Variants in KCTD4 observed in about 807,000 individuals in gnomAD.
KCTD4 encodes BTB/POZ domain-containing protein KCTD4.
In KCTD4, 12 loss-of-function variants were observed where a neutral mutation model predicts 18.3. That is an observed-to-expected ratio of 0.66 (90% CI 0.42 to 1.06). The LOEUF is 1.06. Ranked by LOEUF, KCTD4 falls within the 50% of genes least tolerant of loss-of-function variation. The pLI, the probability that KCTD4 is intolerant of heterozygous loss-of-function variation, is 0.00. For missense variants in KCTD4, 250 were observed against 303.4 expected, an observed-to-expected ratio of 0.82 and a Z score of 1.31; for synonymous variants, 124 against 110.5, an observed-to-expected ratio of 1.12 and a Z score of -0.76.
chr13:45,193,897 T>TA lies in KCTD4; in HGVS notation c.670_671insT (p.Lys224IlefsTer3). On this transcript the variant is annotated frameshift_variant, in exon 2 of 2. Coordinates refer to ENST00000379108, the MANE Select transcript of KCTD4 (RefSeq NM_198404.3). LOFTEE classifies it high-confidence loss of function. The stretch of plus-strand genomic sequence containing the variant: ...TAAAGCCATCATGATAGCCTCAAAC[T>TA]TAAGAGTTTCCAAGGTACAGACAAA... 1 of 1,614,152 alleles carries TA rather than the reference T, an allele frequency of 6.2e-7. No homozygotes were observed.
At chr13:45,196,182 G>A (rs965668762) in intron 1 of KCTD4, among the ~76,000 whole-genome samples, 6 of 152,038 alleles carry the variant, frequency 3.9e-5, no homozygotes, top group Admixed American at 6.6e-5. Context: ...CGTTGAAATC[G>A]AACTAGAAAA....
chr13:45,196,276 A>T (rs1213921316), intron 1 of KCTD4, among the ~76,000 whole-genome samples: 1 of 152,224 alleles, frequency 6.6e-6, no homozygotes, highest in African/African-American at 2.4e-5. Context: ...ATAACATTGC[A>T]TTCCAGAGAA....
rs1872742137 is a variant in KCTD4 at position 45,193,626 on chromosome 13, T to C, written c.*162A>G. 1.6e-6 allele frequency: 1 copy of C among 625,406 alleles called. No homozygotes were observed. Among genetic ancestry groups the C allele is most frequent in the South Asian group, 2.5e-5 (1 of 39,492 alleles). The allele number at this position is 625,406 out of a possible 1,614,324, so 38.7% of individuals were successfully genotyped here. A position where few individuals can be genotyped will look rare whatever the true frequency, so the allele number is the denominator to read the frequency against. On this transcript the variant is annotated 3_prime_UTR_variant, in exon 2 of 2. Transcript: ENST00000379108. ...GGAACACCCCAGAGGAAGGACATCT[T>C]TAGCGATAGAATTTACATACCGTTA...
chr13:45,200,482 T>C (rs975788582), intron 1 of KCTD4, among the ~76,000 whole-genome samples: 2 of 152,144 alleles, frequency 1.3e-5, no homozygotes, highest in African/African-American at 4.8e-5. Flanking sequence ...AACTTTTTTA[T>C]CTTTTTGTGG....
chr13:45,194,393 G>C lies in KCTD4; in HGVS notation c.175C>G (p.Leu59Val), dbSNP rs771661691. 2.2e-5 allele frequency: 36 copies of C among 1,614,036 alleles called. No homozygotes were observed. The South Asian group carries it at 4.0e-4, about 18-fold the overall frequency. ...QTLTKYPDTF[L>V]EGIVNGKILC... Reference sequence around the variant, plus strand: ...ATTTTTCCATTTACTATACCTTCAAGGAAAGTGTCTGGGTACTTGGTCAGT... The same window carrying C: ...ATTTTTCCATTTACTATACCTTCAACGAAAGTGTCTGGGTACTTGGTCAGT... The change falls in exon 2 of 2, where the codon CTT (leucine) becomes GTT (valine). Residue 59 changes from leucine to valine, a missense_variant. By Grantham distance (32) the Leu-to-Val change is conservative. Transcript: ENST00000379108.
In KCTD4 at chr13:45,194,048, G is replaced by A. The variant is rs762666968; in HGVS notation, c.520C>T (p.Leu174=). ...FISKIKSRIV[L]VSKSRLDGFP... ...CCATCCAGCCTGCTTTTGGACACCA[G>A]AACAATGCGAGACTTTATTTTTGAT... Residue 174 remains leucine (L), a synonymous_variant, in exon 2 of 2, where the codon CTG becomes TTG. Coordinates refer to ENST00000379108, the MANE Select transcript of KCTD4 (RefSeq NM_198404.3). 2.5e-6 allele frequency: 4 copies of A among 1,614,102 alleles called. No individual in the cohort carries two copies. The East Asian group carries it at 8.9e-5, about 36-fold the overall frequency.
Position 45,193,753 on chromosome 13 carries a change from T to G in KCTD4, c.*35A>C. 1.3e-6 allele frequency: 2 copies of G among 1,537,632 alleles called. No homozygotes were observed. Among genetic ancestry groups the G allele is most frequent in the Non-Finnish European group, 1.7e-6 (2 of 1,145,216 alleles). ...CTGTGGTTTTCCGAAGCTTGCTGGC[T>G]GCATGCTTGTTGCCTTTGTTCGTGA... On this transcript the variant is annotated 3_prime_UTR_variant, in exon 2 of 2. Transcript: ENST00000379108.
At chr13:45,198,093 G>A (rs776939704) in intron 1 of KCTD4, among the ~76,000 whole-genome samples, 1 of 152,210 alleles carries the variant, frequency 6.6e-6, no homozygotes, top group African/African-American at 2.4e-5. Context: ...CCAACTTTGA[G>A]AATTTAAACT....
At chr13:45,200,057 A>T (rs1396210489) in intron 1 of KCTD4, among the ~76,000 whole-genome samples, 1 of 151,804 alleles carries the variant, frequency 6.6e-6, no homozygotes, top group Admixed American at 6.6e-5. Flanking sequence ...GTACATCTTA[A>T]TATCGTTAGC....
At chr13:45,200,278 C>T (rs1873111017) in intron 1 of KCTD4, among the ~76,000 whole-genome samples, 1 of 151,860 alleles carries the variant, frequency 6.6e-6, no homozygotes. Flanking sequence ...AACAATGTGG[C>T]TGCTTGATGT....
intron 1 of KCTD4, among the ~76,000 whole-genome samples, chr13:45,198,221 A>G (rs1378557701): frequency 6.6e-6 from 1 of 152,246 alleles, no homozygotes; most frequent in African/African-American, 2.4e-5. Context: ...GGCAGAACTC[A>G]TTCCAGCAGG....
chr13:45,196,547 G>A (rs1872900203), intron 1 of KCTD4, among the ~76,000 whole-genome samples: 1 of 152,180 alleles, frequency 6.6e-6, no homozygotes, highest in Non-Finnish European at 1.5e-5. Flanking sequence ...CACTGCACAT[G>A]AGTAGCATCA....
chr13:45,199,121 C>T (rs569840989), intron 1 of KCTD4, among the ~76,000 whole-genome samples: 134 of 152,326 alleles, frequency 8.8e-4, no homozygotes, highest in African/African-American at 3.0e-3. Context: ...CTTCCTAGGA[C>T]TAATAGGACG....
At chr13:45,198,393 C>T (rs775379960) in intron 1 of KCTD4, among the ~76,000 whole-genome samples, 22 of 152,194 alleles carry the variant, frequency 1.4e-4, no homozygotes, top group Non-Finnish European at 3.2e-4. Flanking sequence ...TTATCCCTCC[C>T]GACTGGAAGA....
In KCTD4 at chr13:45,194,081, CAGG is replaced by C; in HGVS notation, c.484_486del (p.Pro162del). 6.2e-7 allele frequency: 1 copy of C among 1,614,122 alleles called. No individual in the cohort carries two copies. The highest frequency in any genetic ancestry group is 8.5e-7 in the Non-Finnish European group (1 of 1,180,008). ...CGAGACTTTATTTTTGATATGAAATCAGGAGCATTACAGAAGATTCTTAATCCT... is the reference window on the plus strand; with the variant it reads ...CGAGACTTTATTTTTGATATGAAATCAGCATTACAGAAGATTCTTAATCCT... On this transcript the variant is annotated inframe_deletion, in exon 2 of 2. Transcript: ENST00000379108.
intron 1 of KCTD4, among the ~76,000 whole-genome samples, chr13:45,194,989 T>C (rs1473163458): frequency 1.3e-5 from 2 of 152,234 alleles, no homozygotes. Flanking sequence ...TTGAATAATA[T>C]TGTCATCTTT....
At chr13:45,195,403 A>G (rs1872840927) in intron 1 of KCTD4, among the ~76,000 whole-genome samples, 1 of 152,220 alleles carries the variant, frequency 6.6e-6, no homozygotes, top group Admixed American at 6.5e-5. Flanking sequence ...CTGAACAAAG[A>G]CTTGGACAAT....
At chr13:45,197,400 T>C (rs1872953016) in intron 1 of KCTD4, among the ~76,000 whole-genome samples, 1 of 151,002 alleles carries the variant, frequency 6.6e-6, no homozygotes, top group African/African-American at 2.4e-5. Flanking sequence ...TCCCAGTTAC[T>C]TGGGAGGCTG....
chr13:45,194,939 C>G (rs553939470), intron 1 of KCTD4, among the ~76,000 whole-genome samples, 185 bp from the exon 2 acceptor site: 100 of 152,262 alleles, frequency 6.6e-4, no homozygotes, highest in African/African-American at 2.3e-3. Flanking sequence ...TTAACTATTT[C>G]TAAATGCCTA....
Sources: allele counts gnomAD v4.1 joint callset (sites outside exome capture counted in the v4.1 genomes callset), GRCh38; gene constraint gnomAD v4.1.1; transcripts MANE v1.5; gene names NCBI Gene and HGNC (gene_info 2026-07-23, HGNC 2026-07-21).